Variants in COL2A1 observed in about 807,000 individuals in gnomAD.
The protein encoded by COL2A1 is collagen alpha-1(II) chain.
A neutral mutation model predicts 204.5 loss-of-function variants in COL2A1; 28 were observed. The observed-to-expected ratio is 0.14, with a 90% CI of 0.10 to 0.19. COL2A1 has a LOEUF of 0.19. Ranked by LOEUF, COL2A1 falls within the 10% of genes least tolerant of loss-of-function variation. COL2A1 has a pLI of 1.00. For synonymous variants in COL2A1, 708 were observed against 718.7 expected, an observed-to-expected ratio of 0.99 and a Z score of 0.24; for missense variants, 1,388 against 2,027.5, an observed-to-expected ratio of 0.68 and a Z score of 6.06.
intron 8 of COL2A1, 127 bp downstream of exon 8, chr12:47,996,421 G>T (rs1323454808): frequency 5.9e-6 from 5 of 846,932 alleles, no homozygotes; most frequent in East Asian, 2.4e-5. Context: ...TGAATGGGAG[G>T]TTACATAACT....
Position 47,980,449 on chromosome 12 carries a change from C to G in COL2A1, c.2625+105G>C. On this transcript the variant is annotated intron_variant, in intron 39 of 53. Coordinates refer to ENST00000380518, the MANE Select transcript of COL2A1 (RefSeq NM_001844.5). This position sits in a 1 kb window ranked among gnomAD's most constrained non-coding sequence, Gnocchi z 4.5. ...CTCCTTCTACCAACATGGGGGTGTTCCCAGGCCTGCGAACCATCCTCTGCG... is the reference window on the plus strand; with the variant it reads ...CTCCTTCTACCAACATGGGGGTGTTGCCAGGCCTGCGAACCATCCTCTGCG... 1 of 1,056,290 alleles carries G rather than the reference C, an allele frequency of 9.5e-7. No individual in the cohort carries two copies. The highest frequency in any genetic ancestry group is 1.4e-5 in the South Asian group (1 of 74,034). 65.4% of individuals were successfully genotyped at this position (1,056,290 alleles called of 1,614,324 possible).
chr12:47,981,315 A>G, intron 37 of COL2A1, 28 bp downstream of exon 37: 1 of 1,610,122 alleles, frequency 6.2e-7, no homozygotes, highest in Non-Finnish European at 8.5e-7. Context: ...CCTCGGGCAG[A>G]GCCAGGCTCA....
intron 7 of COL2A1, among the ~76,000 whole-genome samples, chr12:47,997,147 G>T (rs1940000244): frequency 6.6e-6 from 1 of 152,230 alleles, no homozygotes; most frequent in African/African-American, 2.4e-5. Context: ...TGATTGGTTT[G>T]ATTCCAGAAT....
Position 47,986,372 on chromosome 12 carries a change from A to G in COL2A1, c.1491T>C (p.Pro497=), listed in dbSNP as rs1347757572. The G allele has an allele frequency of 1.9e-6, 3 of 1,570,478 alleles. No individual in the cohort carries two copies. The South Asian group carries it at 3.5e-5, about 18-fold the overall frequency. ...EEGKRGARGE[P]GGVGPIGPPG... is the part of the protein sequence containing the mutation. ...GGGGACCGATGGGCCCAACGCCACCAGGCTCTCCACGGGCACCTCTCTTGC... is the reference window on the plus strand; with the variant it reads ...GGGGACCGATGGGCCCAACGCCACCGGGCTCTCCACGGGCACCTCTCTTGC... Residue 497 remains proline (P), a synonymous_variant, in exon 23 of 54, where the codon CCT becomes CCC. Transcript: ENST00000380518.
At position 47,977,613 on chromosome 12, in the gene COL2A1, G is replaced by C; in HGVS notation, c.3152C>G (p.Ala1051Gly). The change falls in exon 45 of 54, where the codon GCT becomes GGT. Residue 1051 changes from alanine to glycine, a missense_variant. Transcript: ENST00000380518. The stretch of plus-strand genomic sequence containing the variant: ...CCAGACACTCACCTTGACTCCAGCA[G>C]CGCCATCTCTGCCAGGGGGGCCATC... ...GADGPPGRDG[A>G]AGVKGDRGET... is the part of the protein sequence containing the mutation. 6.2e-7 allele frequency: 1 copy of C among 1,614,088 alleles called. No individual in the cohort carries two copies. The highest frequency in any genetic ancestry group is 1.1e-5 in the South Asian group (1 of 91,078).
At position 47,978,527 on chromosome 12, in the gene COL2A1, T is replaced by G; in HGVS notation, c.2895+70A>C. On this transcript the variant is annotated intron_variant, in intron 42 of 53. Coordinates refer to ENST00000380518, the MANE Select transcript of COL2A1 (RefSeq NM_001844.5). This position sits in a 1 kb window ranked among gnomAD's most constrained non-coding sequence, Gnocchi z 5.5. ...GCCCCTGCTCCCTCCTACCCCATGC[T>G]CTGTGAGCTCAGAAGCCACTCACGA... 1 of 1,602,526 alleles carries G rather than the reference T, an allele frequency of 6.2e-7. No individual in the cohort carries two copies. The highest frequency in any genetic ancestry group is 8.5e-7 in the Non-Finnish European group (1 of 1,172,952).
intron 53 of COL2A1, 23 bp from the exon 54 acceptor site, chr12:47,973,576 G>A (rs1592193228): frequency 6.2e-6 from 10 of 1,613,882 alleles, no homozygotes; most frequent in Non-Finnish European, 8.5e-6. Flanking sequence ...AAAGGAGGAG[G>A]CTCTGTTCAG....
At position 48,004,413 on chromosome 12, in the gene COL2A1, C is replaced by A; in HGVS notation, c.-92G>T. ...CGGGTCCGGGTCTCTACCGCGCCCT[C>A]ATGCAGGAGGCCCTTGGAGCAGGAG... On this transcript the variant is annotated 5_prime_UTR_variant, in exon 1 of 54. The change abolishes an upstream ATG in the 5' untranslated region. Transcript: ENST00000380518. 1.4e-6 allele frequency: 1 copy of A among 707,604 alleles called. No individual in the cohort carries two copies. Among genetic ancestry groups the A allele is most frequent in the South Asian group, 1.7e-5 (1 of 57,800 alleles). 43.8% of individuals were successfully genotyped at this position (707,604 alleles called of 1,614,324 possible).
Position 47,979,302 on chromosome 12 carries a change from G to A in COL2A1, c.2733+209C>T, listed in dbSNP as rs116357910. Among the ~76,000 whole-genome samples the A allele has an allele frequency of 0.024, 3,718 of 152,250 alleles. 191 individuals are homozygous for A. The highest frequency in any genetic ancestry group is 0.084 in the African/African-American group (3,487 of 41,534). ...CTGTCCTGCCCACCAAGCCAGCAGG[G>A]CAGCCACCCATTGCTGACAGCAGGG... On this transcript the variant is annotated intron_variant, in intron 41 of 53. Transcript: ENST00000380518.
intron 30 of COL2A1, 59 bp from the exon 31 acceptor site, chr12:47,983,497 G>A (rs1429857560): frequency 6.4e-7 from 1 of 1,574,404 alleles, no homozygotes; most frequent in Admixed American, 1.7e-5. Flanking sequence ...TGGCCCCCAG[G>A]GAGGCACAGT....
chr12:47,996,070 A>C (rs1592233192), intron 8 of COL2A1, 151 bp from the exon 9 acceptor site: 3 of 672,612 alleles, frequency 4.5e-6, no homozygotes, highest in South Asian at 3.4e-5. Context: ...CTCATTTCCC[A>C]CTCCCCACGC....
At chr12:47,992,163 A>G (rs1002109208) in intron 16 of COL2A1, among the ~76,000 whole-genome samples, 17 of 152,234 alleles carry the variant, frequency 1.1e-4, no homozygotes, top group Non-Finnish European at 2.2e-4. Flanking sequence ...TTGCTAAGGA[A>G]TCAGAGCTAA....
At chr12:47,982,759 T>C in intron 33 of COL2A1, 89 bp downstream of exon 33, 1 of 1,352,392 alleles carries the variant, frequency 7.4e-7, no homozygotes, top group Non-Finnish European at 1.1e-6. Context: ...CTTCTGTTCT[T>C]CATTCCTCCT....
chr12:47,996,714 T>C, intron 7 of COL2A1, 89 bp from the exon 8 acceptor site: 1 of 985,296 alleles, frequency 1.0e-6, no homozygotes, highest in Non-Finnish European at 1.6e-6. Context: ...TACAAAGAAC[T>C]CTACTGAGAT....
chr12:47,974,385 C>A lies in COL2A1; in HGVS notation c.4075-54G>T, dbSNP rs1477463038. ...GCCTGGGAGCTGGCATTCAATGGGA[C>A]CAGGGGCTGTAGGGGCTGCCAAGAG... On this transcript the variant is annotated intron_variant, in intron 52 of 53. Coordinates refer to ENST00000380518, the MANE Select transcript of COL2A1 (RefSeq NM_001844.5). 2.5e-6 allele frequency: 4 copies of A among 1,606,118 alleles called. No individual in the cohort carries two copies. The African/African-American group carries it at 5.3e-5, about 21-fold the overall frequency.
intron 11 of COL2A1, 141 bp downstream of exon 11, chr12:47,995,114 G>A: frequency 2.7e-6 from 2 of 731,118 alleles, no homozygotes; most frequent in East Asian, 2.5e-5. Flanking sequence ...ATAGGAGATG[G>A]CGTCAGGGTT....
In COL2A1 at chr12:47,996,551, T is replaced by C. The variant is rs773582850; in HGVS notation, c.606A>G (p.Pro202=). The C allele has an allele frequency of 2.5e-5, 41 of 1,613,868 alleles. No homozygotes were observed. Among genetic ancestry groups the C allele is most frequent in the Non-Finnish European group, 3.4e-5 (40 of 1,179,834 alleles). ...AAGAACTAGTGTCTTTTCTTACCAT[T>C]GGTCCTTGCATTACTCCCAACTGGG... is the stretch of plus-strand genomic sequence containing the variant. ...GGAQLGVMQG[P]MGPMGPRGPP... Residue 202 remains proline (P), a synonymous_variant, in exon 8 of 54, where the codon CCA becomes CCG. Transcript: ENST00000380518.
Position 47,984,578 on chromosome 12 carries a change from C to G in COL2A1, c.1855G>C (p.Glu619Gln). The change falls in exon 28 of 54, where the codon GAG becomes CAG. Residue 619 changes from glutamate (E) to glutamine (Q), a missense_variant. Glu to Gln is a conservative substitution (Grantham distance 29). This residue lies in a region of COL2A1 where 884 missense variants were observed against 1,415.8 expected (regional missense o/e 0.62). Coordinates refer to ENST00000380518, the MANE Select transcript of COL2A1 (RefSeq NM_001844.5). Reference protein sequence around the residue: ...GANGEPGKAGEKGLPGAPGLR... With the variant: ...GANGEPGKAGQKGLPGAPGLR... ...CCAGGAGCACCAGGCAGTCCCTTCT[C>G]ACCAGCTTTGCCAGGCTCACCCTGA... 1 of 1,614,174 alleles carries G rather than the reference C, an allele frequency of 6.2e-7. No homozygotes were observed. Among genetic ancestry groups the G allele is most frequent in the Non-Finnish European group, 8.5e-7 (1 of 1,180,022 alleles).
intron 28 of COL2A1, 75 bp from the exon 29 acceptor site, chr12:47,984,215 G>A (rs1170413967): frequency 1.4e-6 from 2 of 1,400,188 alleles, no homozygotes; most frequent in Admixed American, 3.8e-5. Context: ...ATTGGGCAAA[G>A]GTACTTCTGG....
Sources: gnomAD v4.1 joint callset for allele counts (sites outside exome capture counted in the v4.1 genomes callset) on GRCh38, gnomAD v4.1.1 for gene constraint, gnomAD v4.1.1 regional missense constraint, Gnocchi (gnomAD v3.1) non-coding constraint, MANE v1.5 for transcripts, NCBI Gene and HGNC (gene_info 2026-07-23, HGNC 2026-07-21) for gene names.